The following COL8A1 variants were observed in gnomAD, a reference collection of about 807,000 sequenced individuals.
COL8A1 encodes collagen type VIII alpha 1 chain.
A neutral mutation model predicts 42.7 loss-of-function variants in COL8A1; 21 were observed. That is an observed-to-expected ratio of 0.49 (90% CI 0.35 to 0.71). The LOEUF (loss-of-function observed/expected upper bound fraction) is 0.71, where lower values mean the gene tolerates loss of function less well. Among genes scored for constraint, COL8A1 ranks in the 30% least tolerant of loss-of-function variants. The pLI is 0.01. For missense variants in COL8A1, 788 were observed against 962.4 expected (o/e 0.82, Z 2.40); for synonymous variants, 367 against 369.1 (o/e 0.99, Z 0.06).
chr3:99,738,943 C>A (rs1388291087), intron 1 of COL8A1, among the ~76,000 whole-genome samples: 1 of 152,164 alleles, frequency 6.6e-6, no homozygotes, highest in African/African-American at 2.4e-5. Flanking sequence ...GTTTTTTAAG[C>A]CCGTCAGAAA....
At chr3:99,697,895 C>T (rs1157215903) in intron 1 of COL8A1, among the ~76,000 whole-genome samples, 1 of 152,076 alleles carries the variant, frequency 6.6e-6, no homozygotes, top group Non-Finnish European at 1.5e-5. Context: ...TATACATGTG[C>T]CATGTTGGTG....
intron 1 of COL8A1, among the ~76,000 whole-genome samples, chr3:99,643,834 G>GT (rs1287334613): frequency 1.3e-5 from 2 of 152,134 alleles, no homozygotes; most frequent in African/African-American, 2.4e-5. Context: ...GATTTACAGC[G>GT]TAACTCTCCT....
chr3:99,771,861 C>T (rs1364168230), intron 2 of COL8A1, among the ~76,000 whole-genome samples: 1 of 152,150 alleles, frequency 6.6e-6, no homozygotes, highest in Non-Finnish European at 1.5e-5. Context: ...CTCAAAGGTC[C>T]TCTGAGTGAG....
intron 1 of COL8A1, among the ~76,000 whole-genome samples, chr3:99,704,414 G>GTT (rs1275879498): frequency 4.7e-4 from 69 of 147,382 alleles, no homozygotes; most frequent in African/African-American, 1.5e-3. Flanking sequence ...TTTTTTTTCT[G>GTT]TTTTTTTTTT....
At chr3:99,728,906 C>G (rs1236945191) in intron 1 of COL8A1, among the ~76,000 whole-genome samples, 1 of 151,922 alleles carries the variant, frequency 6.6e-6, no homozygotes. Context: ...TTAATATTTA[C>G]CATTAGAAAA....
At chr3:99,676,673 T>C (rs1466976464) in intron 1 of COL8A1, among the ~76,000 whole-genome samples, 1 of 152,156 alleles carries the variant, frequency 6.6e-6, no homozygotes, top group Non-Finnish European at 1.5e-5. Context: ...CTATCACCAC[T>C]GTTATTCAAA....
chr3:99,669,571 A>C (rs1938479548), intron 1 of COL8A1, among the ~76,000 whole-genome samples: 1 of 152,072 alleles, frequency 6.6e-6, no homozygotes, highest in South Asian at 2.1e-4. Context: ...CTCAGAGATA[A>C]TAGGTCTAGC....
chr3:99,700,246 GT>G (rs1939496429), intron 1 of COL8A1, among the ~76,000 whole-genome samples: 1 of 151,820 alleles, frequency 6.6e-6, no homozygotes, highest in Non-Finnish European at 1.5e-5. Context: ...GTATACCTAT[GT>G]AACAAACCTG....
At chr3:99,645,352 G>C (rs1299587994) in intron 1 of COL8A1, among the ~76,000 whole-genome samples, 1 of 151,604 alleles carries the variant, frequency 6.6e-6, no homozygotes, top group Non-Finnish European at 1.5e-5. Context: ...GGGGAGCTAA[G>C]AATTTGTGAG....
At chr3:99,701,144 G>A (rs992064753) in intron 1 of COL8A1, among the ~76,000 whole-genome samples, 27 of 152,126 alleles carry the variant, frequency 1.8e-4, no homozygotes, top group Admixed American at 2.0e-4. Flanking sequence ...GCAAGGCCCC[G>A]GCTGAGGCAA....
At chr3:99,793,292 A>C (rs1942036827) in intron 3 of COL8A1, among the ~76,000 whole-genome samples, 1 of 152,220 alleles carries the variant, frequency 6.6e-6, no homozygotes, top group Non-Finnish European at 1.5e-5. Flanking sequence ...ATTTCTCACG[A>C]GATAAAAATA....
At chr3:99,742,077 A>T (rs1940914787) in intron 1 of COL8A1, among the ~76,000 whole-genome samples, 1 of 152,222 alleles carries the variant, frequency 6.6e-6, no homozygotes, top group Non-Finnish European at 1.5e-5. Context: ...ATTTTTAAGC[A>T]TCTGTCTACA....
At chr3:99,683,095 A>AT (rs1442465229) in intron 1 of COL8A1, among the ~76,000 whole-genome samples, 11 of 152,328 alleles carry the variant, frequency 7.2e-5, no homozygotes, top group Admixed American at 2.6e-4. Context: ...TGTATGTGAA[A>AT]TTTTTTAAAA....
intron 1 of COL8A1, among the ~76,000 whole-genome samples, chr3:99,705,779 C>G (rs546059755): frequency 2.6e-5 from 4 of 151,914 alleles, no homozygotes; most frequent in Non-Finnish European, 2.9e-5. Context: ...CCTGCCCCCC[C>G]GGTATGATAT....
chr3:99,701,943 C>T (rs184816239), intron 1 of COL8A1, among the ~76,000 whole-genome samples: 9 of 152,244 alleles, frequency 5.9e-5, no homozygotes, highest in Admixed American at 2.0e-4. Flanking sequence ...CATTACTCTC[C>T]TCTACCCTCT....
intron 2 of COL8A1, among the ~76,000 whole-genome samples, chr3:99,761,589 T>G (rs962625000): frequency 6.6e-6 from 1 of 152,212 alleles, no homozygotes; most frequent in Non-Finnish European, 1.5e-5. Context: ...AGGTTAGGAT[T>G]AGTCAGGCAG....
chr3:99,790,652 C>T, intron 2 of COL8A1, 28 bp from the exon 3 acceptor site: 1 of 1,597,680 alleles, frequency 6.3e-7, no homozygotes, highest in East Asian at 2.2e-5. Context: ...AGAGTTTCAC[C>T]AAGTTGGTGC....
chr3:99,664,915 C>T (rs1325425494), intron 1 of COL8A1, among the ~76,000 whole-genome samples: 2 of 152,188 alleles, frequency 1.3e-5, no homozygotes, highest in African/African-American at 4.8e-5. Flanking sequence ...CTCTCCACTG[C>T]ATTTTTCCTT....
chr3:99,727,671 T>A (rs183675552), intron 1 of COL8A1, among the ~76,000 whole-genome samples: 1 of 152,066 alleles, frequency 6.6e-6, no homozygotes, highest in East Asian at 1.9e-4. Context: ...TACCAAAGCC[T>A]GGCAGAGACA....
Sources: gnomAD v4.1 joint callset for allele counts (sites outside exome capture counted in the v4.1 genomes callset) on GRCh38, gnomAD v4.1.1 for gene constraint, MANE v1.5 for transcripts, NCBI Gene and HGNC (gene_info 2026-07-23, HGNC 2026-07-21) for gene names.